LRMDA: variants seen among roughly 807,000 people sequenced by gnomAD.
LRMDA encodes the protein leucine-rich melanocyte differentiation-associated protein.
LRMDA carries 18 observed loss-of-function variants against 29.8 expected under a neutral mutation model. The ratio of observed to expected loss-of-function variants is 0.60; its 90% CI spans 0.42 to 0.90. LRMDA has a LOEUF of 0.90. Ranked by LOEUF, LRMDA falls within the 40% of genes least tolerant of loss-of-function variation. The pLI is 0.00. For missense variants in LRMDA, 273 were observed against 273.9 expected, an observed-to-expected ratio of 1.00 and a Z score of 0.02; for synonymous variants, 125 against 109.4, an observed-to-expected ratio of 1.14 and a Z score of -0.89.
At chr10:75,681,036 T>G (rs1335745492) in intron 2 of LRMDA, among the ~76,000 whole-genome samples, 4 of 152,212 alleles carry the variant, frequency 2.6e-5, no homozygotes, top group Non-Finnish European at 5.9e-5. Flanking sequence ...CAGACCACTA[T>G]AGATTTATCA....
chr10:76,558,768 A>G lies in LRMDA; in HGVS notation c.*1480A>G, dbSNP rs1168938778. ...ACTTTCTCAGCTCTAGCCCGTTTAC[A>G]TAGCCTCTGGCCCACTGAGTCAACA... On this transcript the variant is annotated 3_prime_UTR_variant, in exon 7 of 7. Coordinates refer to ENST00000611255, the MANE Select transcript of LRMDA (RefSeq NM_001305581.2). The G allele has an allele frequency of 6.6e-6, 1 of 152,150 alleles. No individual in the cohort carries two copies. The highest frequency in any genetic ancestry group is 1.5e-5 in the Non-Finnish European group (1 of 68,030). The allele number at this position is 152,150 out of a possible 1,614,324, so 9.4% of individuals were successfully genotyped here.
chr10:76,174,897 G>T (rs945669797), intron 5 of LRMDA, among the ~76,000 whole-genome samples: 1 of 151,348 alleles, frequency 6.6e-6, no homozygotes. Context: ...AGGCAGGGGG[G>T]ATTGCCTGAG....
chr10:75,576,724 C>G (rs1056588465), intron 2 of LRMDA, among the ~76,000 whole-genome samples: 1 of 152,204 alleles, frequency 6.6e-6, no homozygotes, highest in African/African-American at 2.4e-5. Flanking sequence ...TCTGCAGCCT[C>G]TGACAGTGAT....
At chr10:76,194,423 G>A (rs1898087) in intron 5 of LRMDA, among the ~76,000 whole-genome samples, 50,377 of 151,956 alleles carry the variant, frequency 0.33, 10,729 homozygotes, top group East Asian at 0.59. Context: ...GGGTATCCGG[G>A]TACACAAGGT....
At chr10:76,477,435 A>T (rs1842686552) in intron 6 of LRMDA, among the ~76,000 whole-genome samples, 1 of 152,110 alleles carries the variant, frequency 6.6e-6, no homozygotes, top group Non-Finnish European at 1.5e-5. Flanking sequence ...TTCCATGCTC[A>T]TGGATAGGAA....
At chr10:76,438,418 C>T (rs552124640) in intron 6 of LRMDA, 1 of 152,262 alleles carries the variant, frequency 6.6e-6, no homozygotes, top group African/African-American at 2.4e-5. Context: ...TCTTTCAGAG[C>T]CTTGGAATCC....
At chr10:76,007,169 A>G (rs1847686421) in intron 2 of LRMDA, among the ~76,000 whole-genome samples, 2 of 152,094 alleles carry the variant, frequency 1.3e-5, no homozygotes. Flanking sequence ...AAGTGCTCAA[A>G]TTGAGCCATT....
intron 5 of LRMDA, among the ~76,000 whole-genome samples, chr10:76,239,595 GTC>G (rs371501590): frequency 8.1e-5 from 12 of 148,720 alleles, no homozygotes; most frequent in Non-Finnish European, 1.8e-4. Context: ...TTCTCTCTCT[GTC>G]TCTCTCTCTC....
chr10:75,614,244 G>A (rs1841071161), intron 2 of LRMDA, among the ~76,000 whole-genome samples: 1 of 152,036 alleles, frequency 6.6e-6, no homozygotes, highest in Non-Finnish European at 1.5e-5. Context: ...GTGGAGGTCT[G>A]GCTGTGATTT....
rs187308796 is a variant in LRMDA, at chr10:75,645,026, A to G, written c.131+206532A>G. Among the ~76,000 whole-genome samples the G allele has an allele frequency of 2.2e-4, 33 of 149,220 alleles. No homozygotes were observed. In the East Asian group the frequency reaches 5.7e-3, roughly 26 times the overall value. On this transcript the variant is annotated intron_variant, in intron 2 of 6. Coordinates refer to ENST00000611255, the MANE Select transcript of LRMDA (RefSeq NM_001305581.2). ...TTTTGAGACAGGGTCACTGTCTCCC[A>G]GGCTAGAGTGCAATGGCACGATCTC...
intron 5 of LRMDA, among the ~76,000 whole-genome samples, chr10:76,105,532 C>G (rs574355078): frequency 6.6e-6 from 1 of 152,138 alleles, no homozygotes; most frequent in Admixed American, 6.5e-5. Context: ...ATAGAAGAGA[C>G]AGGGAAACAG....
chr10:75,771,504 C>T (rs1399453491), intron 2 of LRMDA, among the ~76,000 whole-genome samples: 3 of 151,908 alleles, frequency 2.0e-5, no homozygotes, highest in Non-Finnish European at 4.4e-5. Context: ...AAAAGCCTGG[C>T]GAGTTTGAGG....
At chr10:76,381,787 A>T (rs1275342591) in intron 6 of LRMDA, among the ~76,000 whole-genome samples, 2 of 152,190 alleles carry the variant, frequency 1.3e-5, no homozygotes, top group Non-Finnish European at 2.9e-5. Flanking sequence ...CTACTCAGCT[A>T]CCATCTTGTA....
chr10:76,347,616 C>CAGCA (rs1841125048), intron 6 of LRMDA, among the ~76,000 whole-genome samples: 1 of 152,096 alleles, frequency 6.6e-6, no homozygotes, highest in Non-Finnish European at 1.5e-5. Flanking sequence ...AAAATAGACC[C>CAGCA]CTAAAAATCA....
chr10:76,481,503 TC>T (rs1842732892), intron 6 of LRMDA, among the ~76,000 whole-genome samples: 1 of 151,920 alleles, frequency 6.6e-6, no homozygotes, highest in East Asian at 1.9e-4. Context: ...AAAACTTTCC[TC>T]CTTCTAGTCT....
At chr10:76,454,143 C>G (rs1184161099) in intron 6 of LRMDA, among the ~76,000 whole-genome samples, 1 of 152,130 alleles carries the variant, frequency 6.6e-6, no homozygotes, top group Non-Finnish European at 1.5e-5. Context: ...TAGTATGAAG[C>G]TAAATCTAGA....
At chr10:76,308,198 C>T (rs1483726637) in intron 5 of LRMDA, among the ~76,000 whole-genome samples, 1 of 152,152 alleles carries the variant, frequency 6.6e-6, no homozygotes, top group Admixed American at 6.5e-5. Context: ...CCTTCATCTA[C>T]TTGAACATCA....
At chr10:76,484,738 C>T (rs1003299432) in intron 6 of LRMDA, among the ~76,000 whole-genome samples, 1 of 151,886 alleles carries the variant, frequency 6.6e-6, no homozygotes, top group African/African-American at 2.4e-5. Context: ...CATATTATAT[C>T]TAACTTAATT....
intron 6 of LRMDA, among the ~76,000 whole-genome samples, chr10:76,391,868 T>C (rs1841727021): frequency 6.6e-6 from 1 of 152,184 alleles, no homozygotes; most frequent in South Asian, 2.1e-4. Flanking sequence ...TAACTGTTCT[T>C]AGTCTACTTT....
Sources: allele counts gnomAD v4.1 joint callset (sites outside exome capture counted in the v4.1 genomes callset), GRCh38; gene constraint gnomAD v4.1.1; transcripts MANE v1.5; gene names NCBI Gene and HGNC (gene_info 2026-07-23, HGNC 2026-07-21).